DLGAP2: variants seen among roughly 807,000 people sequenced by gnomAD.
The protein encoded by DLGAP2 is DLG associated protein 2, also known as disks large-associated protein 2.
A neutral mutation model predicts 100.3 loss-of-function variants in DLGAP2; 26 were observed. The ratio of observed to expected loss-of-function variants is 0.26; its 90% CI spans 0.19 to 0.36. The LOEUF (loss-of-function observed/expected upper bound fraction) is 0.36, where lower values mean the gene tolerates loss of function less well. DLGAP2 is among the 10% of genes least tolerant of loss of function. DLGAP2 has a pLI of 1.00. For missense variants in DLGAP2, 1,858 were observed against 1,453.2 expected, an observed-to-expected ratio of 1.28 and a Z score of -4.53; for synonymous variants, 886 against 630.1, an observed-to-expected ratio of 1.41 and a Z score of -6.08.
At chr8:871,904 C>G (rs1042241920) in intron 1 of DLGAP2, among the ~76,000 whole-genome samples, 4 of 152,046 alleles carry the variant, frequency 2.6e-5, no homozygotes, top group Non-Finnish European at 4.4e-5. Flanking sequence ...GGTCTTCATC[C>G]CTTCATGCAT....
intron 2 of DLGAP2, among the ~76,000 whole-genome samples, chr8:1,012,078 C>T (rs556735584): frequency 1.1e-4 from 17 of 152,274 alleles, no homozygotes; most frequent in African/African-American, 3.4e-4. Context: ...ATGCATGGCC[C>T]GTGTCGCAGG....
intron 3 of DLGAP2, among the ~76,000 whole-genome samples, chr8:1,411,987 G>T (rs571238137): frequency 6.6e-6 from 1 of 152,300 alleles, no homozygotes; most frequent in Non-Finnish European, 1.5e-5. Flanking sequence ...CAACAGCAAG[G>T]GCTCTGGAAG....
intron 2 of DLGAP2, among the ~76,000 whole-genome samples, chr8:1,125,404 T>C (rs1796142126): frequency 6.6e-6 from 1 of 152,206 alleles, no homozygotes; most frequent in South Asian, 2.1e-4. Flanking sequence ...TTATGTGAAA[T>C]GGAATTTCCT....
At chr8:1,190,900 G>T (rs998415926) in intron 2 of DLGAP2, among the ~76,000 whole-genome samples, 1 of 152,134 alleles carries the variant, frequency 6.6e-6, no homozygotes, top group Non-Finnish European at 1.5e-5. Flanking sequence ...CACGGGGCGT[G>T]TTTATGCACC....
chr8:881,135 T>G (rs12542870), intron 1 of DLGAP2, among the ~76,000 whole-genome samples: 16,299 of 152,278 alleles, frequency 0.11, 1,066 homozygotes, highest in East Asian at 0.31. Context: ...TCTTACTTAT[T>G]GCAAAGTAGA....
intron 1 of DLGAP2, among the ~76,000 whole-genome samples, chr8:887,050 T>C (rs865906483): frequency 1.3e-5 from 2 of 152,220 alleles, no homozygotes; most frequent in South Asian, 4.1e-4. Flanking sequence ...ATCTGGATAC[T>C]CCTTTATTGG....
intron 7 of DLGAP2, among the ~76,000 whole-genome samples, chr8:1,632,396 T>C (rs1056422533): frequency 6.6e-6 from 1 of 152,192 alleles, no homozygotes; most frequent in African/African-American, 2.4e-5. Flanking sequence ...GTGCTTTCCC[T>C]TATACGGCCT....
Position 1,703,197 on chromosome 8 carries a change from A to C in DLGAP2, c.*1791A>C, listed in dbSNP as rs972364879. 4 of 152,628 alleles carry C rather than the reference A, an allele frequency of 2.6e-5. No homozygotes were observed. Among genetic ancestry groups the C allele is most frequent in the Non-Finnish European group, 5.9e-5 (4 of 68,042 alleles). 9.5% of individuals were successfully genotyped at this position (152,628 alleles called of 1,614,324 possible). A position where few individuals can be genotyped will look rare whatever the true frequency, so the allele number is the denominator to read the frequency against. On this transcript the variant is annotated 3_prime_UTR_variant, in exon 15 of 15. Coordinates refer to ENST00000637795, the MANE Select transcript of DLGAP2 (RefSeq NM_001346810.2). ...AGTTAAGAATTCCCTGTAAAAACAA[A>C]ACCCTGTAAATTGAGCCTCATGTCT...
intron 2 of DLGAP2, among the ~76,000 whole-genome samples, chr8:969,000 G>A (rs1799948908): frequency 6.6e-6 from 1 of 152,184 alleles, no homozygotes; most frequent in South Asian, 2.1e-4. Flanking sequence ...CATAGTGTGT[G>A]GGTTCATCTG....
chr8:920,290 T>A (rs2129001288), intron 2 of DLGAP2, among the ~76,000 whole-genome samples: 1 of 152,322 alleles, frequency 6.6e-6, no homozygotes, highest in East Asian at 1.9e-4. Flanking sequence ...ACAGCAGGTG[T>A]GTGGTATAAA....
chr8:1,329,659 C>T (rs1801103816), intron 3 of DLGAP2, among the ~76,000 whole-genome samples: 1 of 152,084 alleles, frequency 6.6e-6, no homozygotes, highest in African/African-American at 2.4e-5. Flanking sequence ...GTGAGGTTGC[C>T]TTCTAACTGC....
intron 2 of DLGAP2, among the ~76,000 whole-genome samples, chr8:981,634 A>T (rs370546649): frequency 7.2e-5 from 11 of 152,122 alleles, no homozygotes; most frequent in Admixed American, 1.3e-4. Flanking sequence ...GTGAGGTGGT[A>T]TCTCACTGTG....
At chr8:1,545,899 G>C (rs2130504436) in intron 4 of DLGAP2, among the ~76,000 whole-genome samples, 1 of 152,328 alleles carries the variant, frequency 6.6e-6, no homozygotes, top group African/African-American at 2.4e-5. Flanking sequence ...GAGTGGGGCA[G>C]TAATGGACTC....
intron 14 of DLGAP2, 61 bp downstream of exon 14, chr8:1,697,360 C>A: frequency 6.6e-7 from 1 of 1,525,566 alleles, no homozygotes; most frequent in Non-Finnish European, 8.8e-7. Context: ...CACTAACGAC[C>A]TGCTGCAGAT....
At chr8:1,204,200 C>G (rs928235385) in intron 2 of DLGAP2, among the ~76,000 whole-genome samples, 2 of 152,246 alleles carry the variant, frequency 1.3e-5, no homozygotes, top group African/African-American at 4.8e-5. Context: ...CACAGAATAT[C>G]AGCGGGTTTT....
At chr8:1,169,213 A>C (rs1368366553) in intron 2 of DLGAP2, among the ~76,000 whole-genome samples, 1 of 152,098 alleles carries the variant, frequency 6.6e-6, no homozygotes, top group South Asian at 2.1e-4. Context: ...GTTATTTCTG[A>C]GGGCTCTGTT....
chr8:1,337,502 G>GGATGATGGT (rs1801315376), intron 3 of DLGAP2, among the ~76,000 whole-genome samples: 1 of 110,094 alleles, frequency 9.1e-6, no homozygotes, highest in African/African-American at 3.5e-5. Context: ...GTGGTGATGA[G>GGATGATGGT]GATGATGATG....
intron 1 of DLGAP2, among the ~76,000 whole-genome samples, chr8:797,569 G>T (rs149917514): frequency 1.0e-3 from 157 of 152,200 alleles, no homozygotes; most frequent in African/African-American, 3.8e-3. Flanking sequence ...TAAATGCTAG[G>T]AGAGGAACTG....
intron 3 of DLGAP2, among the ~76,000 whole-genome samples, chr8:1,275,180 T>C (rs1799657749): frequency 6.6e-6 from 1 of 152,100 alleles, no homozygotes; most frequent in Admixed American, 6.5e-5. Flanking sequence ...AGTTATTATG[T>C]ATAAAACCTG....
Sources: allele counts gnomAD v4.1 joint callset (sites outside exome capture counted in the v4.1 genomes callset), GRCh38; gene constraint gnomAD v4.1.1; transcripts MANE v1.5; gene names NCBI Gene and HGNC (gene_info 2026-07-23, HGNC 2026-07-21).